The following SGCZ variants were observed in gnomAD, a reference collection of about 807,000 sequenced individuals.
SGCZ encodes the protein sarcoglycan zeta.
Under a neutral mutation model 41.3 loss-of-function variants are expected in SGCZ, and 40 were observed. The observed-to-expected ratio is 0.97, with a 90% CI of 0.75 to 1.26. The LOEUF is 1.26. Ranked by LOEUF, SGCZ falls within the 50% of genes most tolerant of loss-of-function variation. The probability of loss-of-function intolerance (pLI) is 0.00; values close to 1 mark genes in which losing one functional copy is unlikely to be tolerated. For missense variants in SGCZ, 552 were observed against 369.8 expected (o/e 1.49, Z -4.04); for synonymous variants, 206 against 137.5 (o/e 1.50, Z -3.49).
At chr8:14,392,181 T>C (rs1804802746) in intron 2 of SGCZ, among the ~76,000 whole-genome samples, 1 of 152,320 alleles carries the variant, frequency 6.6e-6, no homozygotes, top group Admixed American at 6.5e-5. Flanking sequence ...CAATAATAGC[T>C]ACACTTTAAT....
chr8:14,504,858 T>A (rs1802259216), intron 2 of SGCZ, among the ~76,000 whole-genome samples: 1 of 152,178 alleles, frequency 6.6e-6, no homozygotes, highest in South Asian at 2.1e-4. Flanking sequence ...AAAAACAATA[T>A]TTCACTTTCC....
chr8:14,195,354 G>C (rs1404679441), intron 4 of SGCZ, among the ~76,000 whole-genome samples: 3 of 152,002 alleles, frequency 2.0e-5, no homozygotes, highest in Non-Finnish European at 4.4e-5. Flanking sequence ...AGTGAACTCA[G>C]TCCATAACAA....
chr8:15,025,504 G>C (rs546668048), intron 1 of SGCZ, among the ~76,000 whole-genome samples: 5 of 152,316 alleles, frequency 3.3e-5, no homozygotes, highest in African/African-American at 1.2e-4. Context: ...TGATAAAAGA[G>C]AGTGCTAAAA....
chr8:15,163,267 C>A (rs1466336073), intron 1 of SGCZ, among the ~76,000 whole-genome samples: 2 of 152,236 alleles, frequency 1.3e-5, no homozygotes, highest in African/African-American at 4.8e-5. Flanking sequence ...TGAATCCACA[C>A]AACGTCTTAT....
chr8:14,127,299 G>C (rs1440295326), intron 5 of SGCZ, among the ~76,000 whole-genome samples: 3 of 152,118 alleles, frequency 2.0e-5, no homozygotes, highest in Non-Finnish European at 2.9e-5. Flanking sequence ...AGAGGTTACA[G>C]AGTAACAATA....
At chr8:14,826,166 G>A (rs1802304189) in intron 1 of SGCZ, among the ~76,000 whole-genome samples, 1 of 142,048 alleles carries the variant, frequency 7.0e-6, no homozygotes, top group Admixed American at 7.8e-5. Context: ...TCCCACCTAT[G>A]AGTGAGAACA....
At chr8:14,936,339 G>C (rs141521500) in intron 1 of SGCZ, among the ~76,000 whole-genome samples, 4 of 151,980 alleles carry the variant, frequency 2.6e-5, no homozygotes, top group African/African-American at 9.6e-5. Flanking sequence ...TCAAATCTTA[G>C]CCTAGCCTAC....
Position 14,547,376 on chromosome 8 carries a change from A to G in SGCZ, c.234+7356T>C, listed in dbSNP as rs573814121. Among the ~76,000 whole-genome samples, 28 of 152,302 alleles carry G rather than the reference A, an allele frequency of 1.8e-4. No individual in the cohort carries two copies. The South Asian group carries it at 5.8e-3, about 32-fold the overall frequency. ...TAATCTGCTTAGTGTCATCAAAATAACAATGATGGTTGACAGCTAAACTGT... is the reference window on the plus strand; with the variant it reads ...TAATCTGCTTAGTGTCATCAAAATAGCAATGATGGTTGACAGCTAAACTGT... On this transcript the variant is annotated intron_variant, in intron 2 of 7. Transcript: ENST00000382080.
intron 2 of SGCZ, among the ~76,000 whole-genome samples, chr8:14,436,909 A>T (rs1362953514): frequency 6.6e-6 from 1 of 152,072 alleles, no homozygotes; most frequent in Non-Finnish European, 1.5e-5. Flanking sequence ...TTTTCTAAAG[A>T]AATAAAGCTT....
chr8:14,859,650 A>G (rs780334295), intron 1 of SGCZ, among the ~76,000 whole-genome samples: 4 of 152,144 alleles, frequency 2.6e-5, no homozygotes, highest in Non-Finnish European at 4.4e-5. Context: ...CCAACAGTTC[A>G]GTTCTGTGTT....
At chr8:14,470,364 G>A (rs1385035271) in intron 2 of SGCZ, among the ~76,000 whole-genome samples, 3 of 151,840 alleles carry the variant, frequency 2.0e-5, no homozygotes, top group East Asian at 1.9e-4. Flanking sequence ...CACTTAATAC[G>A]TGTAGTAAGA....
chr8:14,783,209 G>A (rs1039312815), intron 1 of SGCZ, among the ~76,000 whole-genome samples: 2 of 152,082 alleles, frequency 1.3e-5, no homozygotes, highest in African/African-American at 2.4e-5. Context: ...CGAGGTGGGC[G>A]GATCACTTGA....
intron 1 of SGCZ, among the ~76,000 whole-genome samples, chr8:14,814,597 A>G (rs1585284676): frequency 6.6e-6 from 1 of 152,276 alleles, no homozygotes; most frequent in East Asian, 1.9e-4. Context: ...ATTTGGCCCT[A>G]CTTAAGTATA....
intron 2 of SGCZ, among the ~76,000 whole-genome samples, chr8:14,354,743 C>A (rs1803232158): frequency 6.6e-6 from 1 of 151,548 alleles, no homozygotes. Flanking sequence ...TTTAAAATTT[C>A]TAAAAAATAC....
Position 14,343,688 on chromosome 8 carries a change from T to C in SGCZ, c.235-19484A>G, listed in dbSNP as rs1802792052. Among the ~76,000 whole-genome samples, 5 of 152,308 alleles carry C rather than the reference T, an allele frequency of 3.3e-5. No individual in the cohort carries two copies. The South Asian group carries it at 1.0e-3, about 32-fold the overall frequency. On this transcript the variant is annotated intron_variant, in intron 2 of 7. Transcript: ENST00000382080. ...AGAGGATTGTATCTTAGAGACAGAA[T>C]AATCTAGATTCAGAGGAGACTCACA...
chr8:14,272,617 A>T (rs1800100203), intron 3 of SGCZ, among the ~76,000 whole-genome samples: 1 of 152,096 alleles, frequency 6.6e-6, no homozygotes, highest in Non-Finnish European at 1.5e-5. Context: ...GCTGTATGGT[A>T]CCTCCTTTCA....
At chr8:14,166,130 G>A (rs780443341) in intron 4 of SGCZ, among the ~76,000 whole-genome samples, 2 of 151,878 alleles carry the variant, frequency 1.3e-5, no homozygotes, top group Non-Finnish European at 2.9e-5. Context: ...TTCAACTAGG[G>A]CTATGCTAAG....
chr8:15,083,637 C>T (rs1373756368), intron 1 of SGCZ, among the ~76,000 whole-genome samples: 2 of 152,128 alleles, frequency 1.3e-5, no homozygotes, highest in African/African-American at 4.8e-5. Context: ...CAGCCTTGAC[C>T]TCCCAGGCTC....
At chr8:14,403,852 C>A (rs1799141807) in intron 2 of SGCZ, among the ~76,000 whole-genome samples, 1 of 150,924 alleles carries the variant, frequency 6.6e-6, no homozygotes, top group Non-Finnish European at 1.5e-5. Context: ...AGGCTGTTAA[C>A]TATATATTTT....
Sources: allele counts gnomAD v4.1 joint callset (sites outside exome capture counted in the v4.1 genomes callset), GRCh38; gene constraint gnomAD v4.1.1; transcripts MANE v1.5; gene names NCBI Gene and HGNC (gene_info 2026-07-23, HGNC 2026-07-21).